The following PCDHAC1 variants were observed in gnomAD, a reference collection of about 807,000 sequenced individuals.
PCDHAC1 encodes protocadherin alpha-C1.
In PCDHAC1, 42 loss-of-function variants were observed where a neutral mutation model predicts 60.0. That is an observed-to-expected ratio of 0.70 (90% CI 0.55 to 0.90). The LOEUF (loss-of-function observed/expected upper bound fraction) is 0.90, where lower values mean the gene tolerates loss of function less well. Among genes scored for constraint, PCDHAC1 ranks in the 40% least tolerant of loss-of-function variants. The pLI, the probability that PCDHAC1 is intolerant of heterozygous loss-of-function variation, is 0.00. For missense variants in PCDHAC1, 1,160 were observed against 1,222.3 expected (o/e 0.95, Z 0.76); for synonymous variants, 468 against 499.3 (o/e 0.94, Z 0.84).
rs116326633 is a variant in PCDHAC1 at position 141,003,488 on chromosome 5, G to A, written c.2582-6139G>A. Reference sequence around the variant, plus strand: ...CACCACAGTCTCGCTAATTTTTATAGTTTTAGTAGAGATGGGGTTTCACCA... The same window carrying A: ...CACCACAGTCTCGCTAATTTTTATAATTTTAGTAGAGATGGGGTTTCACCA... On this transcript the variant is annotated intron_variant, in intron 3 of 3. Transcript: ENST00000253807. 8.1e-3 allele frequency among the ~76,000 whole-genome samples: 1,225 copies of A among 152,062 alleles called. 19 individuals are homozygous for A. The highest frequency in any genetic ancestry group is 0.028 in the African/African-American group (1,155 of 41,502).
chr5:140,953,316 T>G (rs782746401), intron 1 of PCDHAC1, among the ~76,000 whole-genome samples: 3 of 152,138 alleles, frequency 2.0e-5, no homozygotes, highest in Non-Finnish European at 2.9e-5. Flanking sequence ...TGGGAAGAAT[T>G]TGATCATAGA....
At position 140,927,432 on chromosome 5, in the gene PCDHAC1, C is replaced by T; in HGVS notation, c.540C>T (p.Ser180=). The change falls in exon 1 of 4, where the codon AGC becomes AGT. Residue 180 remains serine (S), a synonymous_variant. Coordinates refer to ENST00000253807, the MANE Select transcript of PCDHAC1 (RefSeq NM_018898.5). ...ACATGGGATCGCGGGTTGACGGCAG[C>T]GAATACCCGGAGTTGGTGTTGGAGA... ...RLDMGSRVDG[S]EYPELVLEKA... is the part of the protein sequence containing the mutation. 5.6e-6 allele frequency: 9 copies of T among 1,614,124 alleles called. No individual in the cohort carries two copies. Among genetic ancestry groups the T allele is most frequent in the Non-Finnish European group, 5.9e-6 (7 of 1,179,992 alleles).
At position 140,941,204 on chromosome 5, in the gene PCDHAC1, TTTCTTTCTTC is replaced by T. The variant is rs1554213952; in HGVS notation, c.2433+11880_2433+11889del. Among the ~76,000 whole-genome samples, 512 of 88,682 alleles carry T rather than the reference TTTCTTTCTTC, an allele frequency of 5.8e-3. 4 individuals are homozygous for T. Among genetic ancestry groups the T allele is most frequent in the African/African-American group, 0.011 (178 of 16,048 alleles). The allele number at this position is 88,682 out of a possible 152,430, so 58.2% of individuals were successfully genotyped here. ...CTGCTTCTTTTTTTTTCTTTCTTCC[TTTCTTTCTTC>T]CTTTCTTTCTTTCTTTCTTTCTTTC... On this transcript the variant is annotated intron_variant, in intron 1 of 3. Coordinates refer to ENST00000253807, the MANE Select transcript of PCDHAC1 (RefSeq NM_018898.5).
At chr5:140,967,979 G>C (rs1405177525) in intron 1 of PCDHAC1, 3 of 1,614,100 alleles carry the variant, frequency 1.9e-6, no homozygotes, top group Non-Finnish European at 2.5e-6. Flanking sequence ...CCTGGGTCTG[G>C]AGGCCACACT....
At chr5:140,954,498 G>T (rs2095045375) in intron 1 of PCDHAC1, among the ~76,000 whole-genome samples, 1 of 152,156 alleles carries the variant, frequency 6.6e-6, no homozygotes, top group Non-Finnish European at 1.5e-5. Context: ...TTGTGGTTTT[G>T]ATTTGCATTT....
intron 1 of PCDHAC1, among the ~76,000 whole-genome samples, chr5:140,961,205 T>A (rs1215243152): frequency 1.3e-5 from 2 of 152,172 alleles, no homozygotes; most frequent in African/African-American, 4.8e-5. Context: ...GAGGTTGGTA[T>A]TGATGAAGAA....
intron 1 of PCDHAC1, among the ~76,000 whole-genome samples, chr5:140,938,027 T>C (rs1372788447): frequency 6.6e-6 from 1 of 152,220 alleles, no homozygotes; most frequent in Non-Finnish European, 1.5e-5. Flanking sequence ...TAAAATCTCA[T>C]ATTTTTATAT....
At chr5:140,998,850 A>T (rs904977478) in intron 3 of PCDHAC1, among the ~76,000 whole-genome samples, 1 of 152,234 alleles carries the variant, frequency 6.6e-6, no homozygotes, top group African/African-American at 2.4e-5. Context: ...GGTGTGAGCC[A>T]CATGCCTGGC....
chr5:140,929,231 T>G lies in PCDHAC1; in HGVS notation c.2339T>G (p.Leu780Arg). ...LLRGEYNAAD[L>R]RNLATGVGLN... ...CGTGGGGAGTACAATGCTGCCGACC[T>G]GCGAAATCTTGCCACTGGGGTAGGA... is the stretch of plus-strand genomic sequence containing the variant. The change falls in exon 1 of 4, where the codon CTG (leucine) becomes CGG (arginine). Residue 780 changes from leucine (L) to arginine (R), a missense_variant. Leu to Arg is a moderately radical substitution (Grantham distance 102). Transcript: ENST00000253807. 1.2e-6 allele frequency: 2 copies of G among 1,613,886 alleles called. No individual in the cohort carries two copies. The highest frequency in any genetic ancestry group is 1.7e-6 in the Non-Finnish European group (2 of 1,179,840).
chr5:140,999,015 C>G (rs2097843117), intron 3 of PCDHAC1, among the ~76,000 whole-genome samples: 1 of 152,280 alleles, frequency 6.6e-6, no homozygotes, highest in East Asian at 1.9e-4. Context: ...GATTTGAACC[C>G]AAGACTTTTG....
chr5:141,006,351 A>G (rs537027677), intron 3 of PCDHAC1, among the ~76,000 whole-genome samples: 1 of 151,966 alleles, frequency 6.6e-6, no homozygotes, highest in Non-Finnish European at 1.5e-5. Flanking sequence ...AGCTGGGACT[A>G]TAGGCGCCCA....
intron 3 of PCDHAC1, 100 bp from the exon 4 acceptor site, chr5:141,009,527 G>A: frequency 6.6e-7 from 1 of 1,507,930 alleles, no homozygotes; most frequent in South Asian, 1.4e-5. Context: ...TTTCTGGGGA[G>A]GTTCAGCCTG....
chr5:140,929,554 C>G (rs899446101), intron 1 of PCDHAC1: 17 of 488,414 alleles, frequency 3.5e-5, no homozygotes, highest in Non-Finnish European at 5.5e-5. Flanking sequence ...AAAATTAAAA[C>G]CTATTTAAGA....
At chr5:140,962,786 A>G (rs1377248587) in intron 1 of PCDHAC1, among the ~76,000 whole-genome samples, 6 of 152,216 alleles carry the variant, frequency 3.9e-5, no homozygotes, top group African/African-American at 1.4e-4. Context: ...ATTTTTAAAA[A>G]CTACTTTGGA....
At chr5:141,002,232 A>G (rs2098067070) in intron 3 of PCDHAC1, among the ~76,000 whole-genome samples, 2 of 152,226 alleles carry the variant, frequency 1.3e-5, no homozygotes, top group African/African-American at 4.8e-5. Flanking sequence ...GTTTTCTGGA[A>G]GCTCTTTATT....
chr5:140,996,636 T>G (rs561950169), intron 3 of PCDHAC1, among the ~76,000 whole-genome samples: 17 of 152,346 alleles, frequency 1.1e-4, no homozygotes, highest in Middle Eastern at 6.8e-3. Context: ...CTGCAAATTA[T>G]GTAGTTAATC....
intron 1 of PCDHAC1, among the ~76,000 whole-genome samples, chr5:140,954,602 A>G (rs2095062634): frequency 6.6e-6 from 1 of 152,120 alleles, no homozygotes; most frequent in South Asian, 2.1e-4. Flanking sequence ...TTCTTTGCCC[A>G]CTTTTTAATG....
In PCDHAC1 at chr5:140,990,889, G is replaced by A. The variant is rs569864202; in HGVS notation, c.2581+8326G>A. Among the ~76,000 whole-genome samples, 53 of 152,284 alleles carry A rather than the reference G, an allele frequency of 3.5e-4. 2 individuals are homozygous for A. The South Asian group carries it at 8.3e-3, about 24-fold the overall frequency. Reference sequence around the variant, plus strand: ...TTTAAGTGTATGTTCCAGTGAGTGGGTCGTTGCTGGGTCAAGTTTTATAAG... The same window carrying A: ...TTTAAGTGTATGTTCCAGTGAGTGGATCGTTGCTGGGTCAAGTTTTATAAG... On this transcript the variant is annotated intron_variant, in intron 3 of 3. Transcript: ENST00000253807.
At chr5:140,989,373 C>A (rs1189877807) in intron 3 of PCDHAC1, among the ~76,000 whole-genome samples, 1 of 152,088 alleles carries the variant, frequency 6.6e-6, no homozygotes, top group Non-Finnish European at 1.5e-5. Context: ...TGACTGAGAG[C>A]TTTGTGGGAA....
Sources: allele counts gnomAD v4.1 joint callset (sites outside exome capture counted in the v4.1 genomes callset), GRCh38; gene constraint gnomAD v4.1.1; transcripts MANE v1.5; gene names NCBI Gene and HGNC (gene_info 2026-07-23, HGNC 2026-07-21).